MED13L: variants seen among roughly 807,000 people sequenced by gnomAD.
MED13L encodes the protein mediator of RNA polymerase II transcription subunit 13-like.
Under a neutral mutation model 220.9 loss-of-function variants are expected in MED13L, and 7 were observed. The observed-to-expected ratio is 0.03, with a 90% CI of 0.02 to 0.06. The LOEUF (loss-of-function observed/expected upper bound fraction) is 0.06. Ranked by LOEUF, MED13L falls within the 10% of genes least tolerant of loss-of-function variation. MED13L has a pLI of 1.00. For missense variants in MED13L, 1,965 were observed against 2,760.5 expected (o/e 0.71, Z 6.46); for synonymous variants, 1,011 against 1,015.2 (o/e 1.00, Z 0.08).
chr12:116,263,646 C>T, intron 1 of MED13L, among the ~76,000 whole-genome samples: 1 of 152,192 alleles, frequency 6.6e-6, no homozygotes, highest in East Asian at 1.9e-4. Context: ...AGTTGGATAT[C>T]ACACAAACCA....
intron 2 of MED13L, among the ~76,000 whole-genome samples, chr12:116,190,409 T>C (rs1232329777): frequency 6.6e-6 from 1 of 152,246 alleles, no homozygotes; most frequent in Non-Finnish European, 1.5e-5. Flanking sequence ...TGCTTTGAAA[T>C]AGTTTTCAAG....
At chr12:116,178,919 C>T (rs1407519829) in intron 2 of MED13L, among the ~76,000 whole-genome samples, 1 of 152,196 alleles carries the variant, frequency 6.6e-6, no homozygotes, top group Non-Finnish European at 1.5e-5. Context: ...TATATAGTTA[C>T]ACCGTTAGCA....
chr12:116,114,925 C>T (rs941251429), intron 2 of MED13L, among the ~76,000 whole-genome samples: 4 of 152,098 alleles, frequency 2.6e-5, no homozygotes, highest in South Asian at 4.2e-4. Flanking sequence ...TACTAACAAA[C>T]GAAATAAAAA....
At chr12:116,234,215 C>CTATTTATTTATTTATT (rs74508824) in intron 2 of MED13L, among the ~76,000 whole-genome samples, 4 of 149,758 alleles carry the variant, frequency 2.7e-5, no homozygotes, top group East Asian at 2.0e-4. Flanking sequence ...CAGGATTCTG[C>CTATTTATTTATTTATT]TATTTATTTA....
At chr12:116,056,087 C>T (rs1283699352) in intron 4 of MED13L, among the ~76,000 whole-genome samples, 2 of 151,602 alleles carry the variant, frequency 1.3e-5, no homozygotes, top group Non-Finnish European at 2.9e-5. Flanking sequence ...GCTGGCAGCC[C>T]AAAGGTAAGT....
In MED13L at chr12:116,104,041, A is replaced by G. The variant is rs1593047996; in HGVS notation, c.396-7289T>C. On this transcript the variant is annotated intron_variant, in intron 3 of 30. Transcript: ENST00000281928. ...TTTTTTTTTTTTGAGACGGAGTTTC[A>G]CTCTTGTCGCCCAGACTGGAGTGCA... Among the ~76,000 whole-genome samples, 4 of 101,250 alleles carry G rather than the reference A, an allele frequency of 4.0e-5. No individual in the cohort carries two copies. In the Admixed American group the frequency reaches 4.7e-4, roughly 12 times the overall value. The allele number at this position is 101,250 out of a possible 152,430, so 66.4% of individuals were successfully genotyped here. A position where few individuals can be genotyped will look rare whatever the true frequency, so the allele number is the denominator to read the frequency against.
Position 116,095,668 on chromosome 12 carries a change from G to T in MED13L, c.479+1001C>A, listed in dbSNP as rs550136669. On this transcript the variant is annotated intron_variant, in intron 4 of 30. Transcript: ENST00000281928. ...GCTCTAATCTGCACCCAGTACCTGG[G>T]ACACTTAGGGCAAGTACACTGATAA... Among the ~76,000 whole-genome samples the T allele has an allele frequency of 4.9e-4, 75 of 152,300 alleles. 1 individual carries two copies. Among genetic ancestry groups the T allele is most frequent in the Middle Eastern group, 3.4e-3 (1 of 294 alleles).
intron 2 of MED13L, among the ~76,000 whole-genome samples, chr12:116,234,660 T>C (rs1869903659): frequency 6.6e-6 from 1 of 152,050 alleles, no homozygotes. Context: ...TGCTACTATT[T>C]ATTTATTTTA....
At chr12:115,997,326 G>T in intron 14 of MED13L, 96 bp from the exon 15 acceptor site, 12 of 929,938 alleles carry the variant, frequency 1.3e-5, no homozygotes, top group Admixed American at 8.0e-5. Context: ...CAAAAATAGT[G>T]CTAATTAAAT....
At chr12:116,014,754 G>A (rs1879620714) in intron 8 of MED13L, among the ~76,000 whole-genome samples, 1 of 152,096 alleles carries the variant, frequency 6.6e-6, no homozygotes, top group Admixed American at 6.5e-5. Flanking sequence ...CTTCACAATA[G>A]GGACGCATTC....
At chr12:116,236,809 T>A in intron 2 of MED13L, 2 of 972,584 alleles carry the variant, frequency 2.1e-6, no homozygotes, top group Non-Finnish European at 2.4e-6. Context: ...CACAGAAAAA[T>A]GAAACTCTTA....
intron 7 of MED13L, among the ~76,000 whole-genome samples, chr12:116,017,590 T>G (rs1261930381): frequency 6.6e-6 from 1 of 152,216 alleles, no homozygotes; most frequent in Admixed American, 6.5e-5. Context: ...ATCCAAATTC[T>G]CTGCTCTACC....
At chr12:116,205,785 A>G (rs962206249) in intron 2 of MED13L, among the ~76,000 whole-genome samples, 1 of 152,072 alleles carries the variant, frequency 6.6e-6, no homozygotes, top group African/African-American at 2.4e-5. Flanking sequence ...GAGCTTGAGA[A>G]AGCAGTTAAC....
intron 2 of MED13L, among the ~76,000 whole-genome samples, chr12:116,195,290 A>G (rs901119990): frequency 6.6e-6 from 1 of 152,142 alleles, no homozygotes; most frequent in African/African-American, 2.4e-5. Context: ...AGGGAGAAGC[A>G]GTTAAGAATA....
chr12:115,968,980 G>A lies in MED13L; in HGVS notation c.6185C>T (p.Pro2062Leu). 6.2e-7 allele frequency: 1 copy of A among 1,614,102 alleles called. No homozygotes were observed. Among genetic ancestry groups the A allele is most frequent in the Non-Finnish European group, 8.5e-7 (1 of 1,179,994 alleles). ...GTGAGAGCCCACACCAATTCCAGAA[G>A]GAGAGCCTGGGGAGGGTACTGGGGA... ...NSSPVPSPGS[P>L]SGIGVGSHFQ... The change falls in exon 28 of 31, where the codon CCT (proline) becomes CTT (leucine). Residue 2062 changes from proline to leucine, a missense_variant. This residue lies in a region of MED13L where 145 missense variants were observed against 328.3 expected (regional missense o/e 0.44). Transcript: ENST00000281928.
intron 4 of MED13L, among the ~76,000 whole-genome samples, chr12:116,091,998 G>C (rs1287341373): frequency 6.6e-6 from 1 of 152,102 alleles, no homozygotes; most frequent in Non-Finnish European, 1.5e-5. Context: ...GCAGAATACT[G>C]TAACTCCCTC....
chr12:116,100,110 T>C lies in MED13L; in HGVS notation c.396-3358A>G, dbSNP rs115083031. ...TAAGTACTGGGACAGAGATGGGAGA[T>C]ACACACACAGTCCCTCCAAGATTAG... On this transcript the variant is annotated intron_variant, in intron 3 of 30. Transcript: ENST00000281928. 4.6e-3 allele frequency among the ~76,000 whole-genome samples: 696 copies of C among 152,252 alleles called. 6 individuals are homozygous for C. Among genetic ancestry groups the C allele is most frequent in the African/African-American group, 0.016 (671 of 41,556 alleles).
intron 10 of MED13L, chr12:116,008,034 C>G (rs1459846388): frequency 3.1e-6 from 1 of 327,652 alleles, no homozygotes; most frequent in East Asian, 6.2e-5. Context: ...ATGATACATA[C>G]ACCTGAATGC....
intron 1 of MED13L, among the ~76,000 whole-genome samples, chr12:116,244,380 A>C (rs990980198): frequency 6.6e-6 from 1 of 152,198 alleles, no homozygotes; most frequent in Admixed American, 6.5e-5. Context: ...ATCAAGAAAA[A>C]CATTTGTTTC....
Sources: gnomAD v4.1 joint callset for allele counts (sites outside exome capture counted in the v4.1 genomes callset) on GRCh38, gnomAD v4.1.1 for gene constraint, gnomAD v4.1.1 regional missense constraint, MANE v1.5 for transcripts, NCBI Gene and HGNC (gene_info 2026-07-23, HGNC 2026-07-21) for gene names.